The following STK40 variants were observed in gnomAD, a reference collection of about 807,000 sequenced individuals.
The protein encoded by STK40 is serine/threonine kinase 40.
Under a neutral mutation model 47.9 loss-of-function variants are expected in STK40, and 13 were observed. That is an observed-to-expected ratio of 0.27 (90% CI 0.18 to 0.43). The LOEUF (loss-of-function observed/expected upper bound fraction) is 0.43, where lower values mean the gene tolerates loss of function less well. STK40 is among the 20% of genes least tolerant of loss of function. The probability of loss-of-function intolerance (pLI) is 1.00; values close to 1 mark genes in which losing one functional copy is unlikely to be tolerated. For missense variants in STK40, 460 were observed against 595.1 expected, an observed-to-expected ratio of 0.77 and a Z score of 2.36; for synonymous variants, 225 against 243.2, an observed-to-expected ratio of 0.93 and a Z score of 0.69.
At position 36,355,572 on chromosome 1, in the gene STK40, G is replaced by A; in HGVS notation, c.343-139C>T. The A allele has an allele frequency of 4.4e-6, 4 of 913,978 alleles. No homozygotes were observed. The Admixed American group carries it at 8.1e-5, about 18-fold the overall frequency. The allele number at this position is 913,978 out of a possible 1,614,324, so 56.6% of individuals were successfully genotyped here. A position where few individuals can be genotyped will look rare whatever the true frequency, so the allele number is the denominator to read the frequency against. On this transcript the variant is annotated intron_variant, in intron 4 of 10. Coordinates refer to ENST00000373132, the MANE Select transcript of STK40 (RefSeq NM_001282547.2). ...TAGCCTGCATGTGCGGGCCAGAGAG[G>A]ACTGAGGCCTGGGCAGCCTAGACCA...
At chr1:36,361,137 T>C (rs1397298402) in intron 2 of STK40, 84 bp downstream of exon 2, 2 of 1,530,628 alleles carry the variant, frequency 1.3e-6, no homozygotes, top group East Asian at 2.2e-5. Flanking sequence ...CTCACTCTGA[T>C]GTCTGTAGGT....
rs567391316 is a variant in STK40, at chr1:36,361,111, G to A, written c.112+110C>T. On this transcript the variant is annotated intron_variant, in intron 2 of 10. Transcript: ENST00000373132. ...CTGGGGCAGGGCAGGACCACACACTGCTGTGGGTGGGCCACCTCACTCTGA... is the reference window on the plus strand; with the variant it reads ...CTGGGGCAGGGCAGGACCACACACTACTGTGGGTGGGCCACCTCACTCTGA... The A allele has an allele frequency of 1.5e-5, 19 of 1,293,612 alleles. No individual in the cohort carries two copies. The East Asian group carries it at 2.8e-4, about 19-fold the overall frequency. The allele number at this position is 1,293,612 out of a possible 1,614,324, so 80.1% of individuals were successfully genotyped here.
intron 4 of STK40, among the ~76,000 whole-genome samples, chr1:36,355,936 T>C (rs1316247618): frequency 8.5e-5 from 13 of 152,074 alleles, no homozygotes; most frequent in Admixed American, 8.5e-4. Context: ...CTTCCTGCTT[T>C]CCTCTTTTCT....
At chr1:36,370,176 G>C (rs986396678) in intron 1 of STK40, among the ~76,000 whole-genome samples, 1 of 152,266 alleles carries the variant, frequency 6.6e-6, no homozygotes, top group Non-Finnish European at 1.5e-5. Context: ...TTTGCTGCTG[G>C]AGAGCAACCC....
Position 36,358,774 on chromosome 1 carries a change from G to A in STK40, c.161C>T (p.Ala54Val), listed in dbSNP as rs547574448. 13 of 1,613,938 alleles carry A rather than the reference G, an allele frequency of 8.1e-6. No individual in the cohort carries two copies. The highest frequency in any genetic ancestry group is 1.3e-5 in the African/African-American group (1 of 74,874). The change falls in exon 3 of 11, where the codon GCG becomes GTG. Residue 54 changes from alanine (A) to valine (V), a missense_variant. This residue lies in a region of STK40 where 277 missense variants were observed against 358.7 expected (regional missense o/e 0.77). Transcript: ENST00000373132. ...SPVPSIVQCL[A>V]RKDGTDDFYQ... ...GAAGTCATCCGTGCCATCTTTCCTC[G>A]CCAAACACTGCACTATGCTTGGCAC...
intron 1 of STK40, among the ~76,000 whole-genome samples, chr1:36,372,423 C>CAAAAAAAAAAAAAAAAAAAAA (rs796595993): frequency 7.3e-4 from 29 of 39,546 alleles, no homozygotes; most frequent in South Asian, 1.1e-3. Flanking sequence ...GACCTTGTCT[C>CAAAAAAAAAAAAAAAAAAAAA]AAAAAAAAAA....
intron 7 of STK40, among the ~76,000 whole-genome samples, chr1:36,345,991 A>ATATATATATATATATATATATATATATAT: frequency 3.8e-5 from 1 of 26,466 alleles, no homozygotes; most frequent in African/African-American, 1.4e-4. Context: ...ATATATATAT[A>ATATATATATATATATATATATATATATAT]TTTTTTTTTT....
chr1:36,365,133 G>A (rs1316287050), intron 1 of STK40, among the ~76,000 whole-genome samples: 1 of 152,138 alleles, frequency 6.6e-6, no homozygotes, highest in Non-Finnish European at 1.5e-5. Context: ...TGGGATTACA[G>A]GCATGTGCCA....
At chr1:36,383,019 G>A (rs1212913594) in intron 1 of STK40, among the ~76,000 whole-genome samples, 1 of 152,108 alleles carries the variant, frequency 6.6e-6, no homozygotes, top group Non-Finnish European at 1.5e-5. Flanking sequence ...TGCAATTTTG[G>A]TTCACCGCAA....
intron 1 of STK40, among the ~76,000 whole-genome samples, chr1:36,368,615 T>G (rs571177468): frequency 3.9e-5 from 6 of 152,206 alleles, no homozygotes; most frequent in African/African-American, 1.4e-4. Context: ...CAAACCCAAA[T>G]TGAAGGACAT....
At chr1:36,370,866 A>C (rs1463161975) in intron 1 of STK40, among the ~76,000 whole-genome samples, 3 of 149,230 alleles carry the variant, frequency 2.0e-5, no homozygotes, top group Non-Finnish European at 4.4e-5. Flanking sequence ...CTGTGCATAT[A>C]CTCCCGTACT....
At position 36,385,840 on chromosome 1, in the gene STK40, C is replaced by A; in HGVS notation, c.-126G>T. On this transcript the variant is annotated 5_prime_UTR_variant, in exon 1 of 11. Transcript: ENST00000373132. ...GAGGCGTGCGAGCCTCTCACCGCCG[C>A]CTCCCAGCGCAGCCACCCGAGCCGC... 5.6e-6 allele frequency: 1 copy of A among 177,228 alleles called. No individual in the cohort carries two copies. Among genetic ancestry groups the A allele is most frequent in the Non-Finnish European group, 1.1e-5 (1 of 87,760 alleles). 11.0% of individuals were successfully genotyped at this position (177,228 alleles called of 1,614,324 possible). A position where few individuals can be genotyped will look rare whatever the true frequency, so the allele number is the denominator to read the frequency against.
At chr1:36,373,451 G>C (rs774886218) in intron 1 of STK40, among the ~76,000 whole-genome samples, 61 of 152,216 alleles carry the variant, frequency 4.0e-4, no homozygotes, top group Non-Finnish European at 8.1e-4. Flanking sequence ...CTGTGGCCCA[G>C]GTTGAGGCTC....
chr1:36,379,569 A>G (rs926242589), intron 1 of STK40, among the ~76,000 whole-genome samples: 2 of 151,988 alleles, frequency 1.3e-5, no homozygotes, highest in Non-Finnish European at 2.9e-5. Flanking sequence ...TTTAGTAGAT[A>G]CAGGGTTTTA....
chr1:36,343,286 C>T (rs1646670927), intron 10 of STK40, 78 bp downstream of exon 10: 1 of 1,489,830 alleles, frequency 6.7e-7, no homozygotes, highest in Admixed American at 1.9e-5. Flanking sequence ...TAGCTGCCAC[C>T]TCTGCCCTTG....
intron 6 of STK40, among the ~76,000 whole-genome samples, chr1:36,350,371 G>A (rs527316378): frequency 4.6e-5 from 7 of 152,270 alleles, no homozygotes; most frequent in Admixed American, 1.3e-4. Flanking sequence ...TTCTCCCCTG[G>A]TCAGAGATGG....
intron 1 of STK40, among the ~76,000 whole-genome samples, chr1:36,384,033 T>C (rs763767993): frequency 0.3 from 13,702 of 45,784 alleles, 692 homozygotes; most frequent in Middle Eastern, 0.46. Context: ...TTCTTCTTCT[T>C]TTTTTTTTTT....
chr1:36,356,280 A>G (rs776205111), intron 4 of STK40, among the ~76,000 whole-genome samples: 1 of 152,116 alleles, frequency 6.6e-6, no homozygotes, highest in Non-Finnish European at 1.5e-5. Flanking sequence ...TTCCTTGCTG[A>G]AAGGTATTTC....
chr1:36,352,507 C>T (rs565307568), intron 6 of STK40, among the ~76,000 whole-genome samples: 13 of 152,268 alleles, frequency 8.5e-5, no homozygotes, highest in East Asian at 1.9e-4. Context: ...TCCAAGATAA[C>T]GAAGAAGTGG....
Sources: gnomAD v4.1 joint callset for allele counts (sites outside exome capture counted in the v4.1 genomes callset) on GRCh38, gnomAD v4.1.1 for gene constraint, gnomAD v4.1.1 regional missense constraint, MANE v1.5 for transcripts, NCBI Gene and HGNC (gene_info 2026-07-23, HGNC 2026-07-21) for gene names.